CDH18: variants seen among roughly 807,000 people sequenced by gnomAD.
The protein encoded by CDH18 is cadherin 18.
In CDH18, 31 loss-of-function variants were observed where a neutral mutation model predicts 67.9. The ratio of observed to expected loss-of-function variants is 0.46; its 90% CI spans 0.34 to 0.62. The LOEUF (loss-of-function observed/expected upper bound fraction) is 0.62, where lower values mean the gene tolerates loss of function less well. Ranked by LOEUF, CDH18 falls within the 20% of genes least tolerant of loss-of-function variation. The probability of loss-of-function intolerance (pLI) is 0.01; values close to 1 mark genes in which losing one functional copy is unlikely to be tolerated. For synonymous variants in CDH18, 362 were observed against 347.2 expected, an observed-to-expected ratio of 1.04 and a Z score of -0.48; for missense variants, 890 against 975.5, an observed-to-expected ratio of 0.91 and a Z score of 1.17.
intron 2 of CDH18, among the ~76,000 whole-genome samples, chr5:20,052,796 C>T (rs555546617): frequency 5.9e-5 from 9 of 151,976 alleles, no homozygotes; most frequent in Non-Finnish European, 4.4e-5. Flanking sequence ...CTGATTTGCT[C>T]CAAAGAATGT....
intron 2 of CDH18, among the ~76,000 whole-genome samples, chr5:20,088,976 T>C (rs1308606001): frequency 1.3e-5 from 2 of 152,130 alleles, no homozygotes; most frequent in African/African-American, 4.8e-5. Flanking sequence ...CCCCTCCTGG[T>C]TTTTTAATAT....
intron 1 of CDH18, among the ~76,000 whole-genome samples, chr5:20,525,305 G>A (rs1755980708): frequency 6.6e-6 from 1 of 152,086 alleles, no homozygotes; most frequent in Admixed American, 6.6e-5. Flanking sequence ...GATTACCAGT[G>A]CCAGAGCTCC....
intron 7 of CDH18, among the ~76,000 whole-genome samples, chr5:19,585,415 T>C (rs1394022373): frequency 2.6e-5 from 4 of 152,172 alleles, no homozygotes; most frequent in Non-Finnish European, 5.9e-5. Context: ...ACTGCACCCA[T>C]ACACATCCTC....
intron 1 of CDH18, among the ~76,000 whole-genome samples, chr5:20,506,210 C>T (rs557510772): frequency 4.3e-4 from 66 of 152,288 alleles, no homozygotes; most frequent in South Asian, 2.3e-3. Flanking sequence ...GCCGCCTCTT[C>T]GTACCCTTGT....
At chr5:19,802,950 C>T (rs1175398309) in intron 3 of CDH18, among the ~76,000 whole-genome samples, 2 of 152,370 alleles carry the variant, frequency 1.3e-5, no homozygotes, top group Admixed American at 6.5e-5. Context: ...GCACTTTCAG[C>T]TATTCAGCCT....
chr5:20,426,948 T>C (rs927338900), intron 1 of CDH18, among the ~76,000 whole-genome samples: 12 of 150,990 alleles, frequency 7.9e-5, no homozygotes, highest in South Asian at 6.2e-4. Context: ...AAATGGAGAT[T>C]ATCACAAATT....
At chr5:20,146,672 T>A (rs1387864299) in intron 2 of CDH18, among the ~76,000 whole-genome samples, 26 of 151,650 alleles carry the variant, frequency 1.7e-4, no homozygotes, top group Admixed American at 1.7e-3. Flanking sequence ...AATGTATAAC[T>A]TTTACCACAA....
At chr5:19,843,311 C>A (rs1782556264) in intron 2 of CDH18, among the ~76,000 whole-genome samples, 1 of 152,184 alleles carries the variant, frequency 6.6e-6, no homozygotes, top group Non-Finnish European at 1.5e-5. Context: ...GTAAAAGAGA[C>A]CACGGTACAG....
At chr5:19,474,271 T>C (rs1738070106) in intron 12 of CDH18, among the ~76,000 whole-genome samples, 1 of 152,182 alleles carries the variant, frequency 6.6e-6, no homozygotes, top group Non-Finnish European at 1.5e-5. Flanking sequence ...TTTAAAATTA[T>C]ATTATCATGC....
At chr5:19,613,913 A>G (rs993283168) in intron 5 of CDH18, among the ~76,000 whole-genome samples, 1 of 152,122 alleles carries the variant, frequency 6.6e-6, no homozygotes, top group African/African-American at 2.4e-5. Context: ...TCCTTCAAAC[A>G]TAAGTCATTT....
At position 19,940,589 on chromosome 5, in the gene CDH18, C is replaced by T. The variant is rs570776890; in HGVS notation, c.-257+40471G>A. 5.3e-5 allele frequency among the ~76,000 whole-genome samples: 8 copies of T among 152,090 alleles called. No homozygotes were observed. The East Asian group carries it at 9.7e-4, about 18-fold the overall frequency. On this transcript the variant is annotated intron_variant, in intron 2 of 12. Coordinates refer to ENST00000382275, the MANE Select transcript of CDH18 (RefSeq NM_004934.5). ...TATTCACACAATTTTTTTTCAGTAC[C>T]TACCACTGACCAAGAAGACCTTTGT... is the stretch of plus-strand genomic sequence containing the variant.
intron 1 of CDH18, among the ~76,000 whole-genome samples, chr5:20,380,270 A>G (rs1418096169): frequency 6.6e-6 from 1 of 152,182 alleles, no homozygotes; most frequent in Non-Finnish European, 1.5e-5. Flanking sequence ...TCAAGTATCT[A>G]TAGTTATATG....
chr5:19,915,999 T>C (rs1376873640), intron 2 of CDH18, among the ~76,000 whole-genome samples: 1 of 152,168 alleles, frequency 6.6e-6, no homozygotes, highest in East Asian at 1.9e-4. Flanking sequence ...TCAAATCCTT[T>C]AAGTTGCTCC....
intron 3 of CDH18, among the ~76,000 whole-genome samples, chr5:19,815,821 G>A (rs556384759): frequency 1.6e-3 from 243 of 151,902 alleles, no homozygotes; most frequent in African/African-American, 5.7e-3. Flanking sequence ...TATTTCACTG[G>A]AACTTTTTCC....
chr5:19,959,404 AAT>A lies in CDH18; in HGVS notation c.-257+21654_-257+21655del, dbSNP rs906402928. Among the ~76,000 whole-genome samples the A allele has an allele frequency of 7.2e-4, 110 of 152,222 alleles. 1 individual carries two copies. The highest frequency in any genetic ancestry group is 2.4e-3 in the African/African-American group (101 of 41,520). On this transcript the variant is annotated intron_variant, in intron 2 of 12. Coordinates refer to ENST00000382275, the MANE Select transcript of CDH18 (RefSeq NM_004934.5). ...ATGCAAATAAGGGGTACAATATTAAAATAGTTTTCAAATACATTTTATAAACA... is the reference window on the plus strand; with the variant it reads ...ATGCAAATAAGGGGTACAATATTAAAAGTTTTCAAATACATTTTATAAACA...
intron 2 of CDH18, among the ~76,000 whole-genome samples, chr5:20,229,042 G>GT (rs1332230899): frequency 3.3e-5 from 5 of 151,986 alleles, no homozygotes; most frequent in African/African-American, 9.7e-5. Flanking sequence ...GTTGGTGAAT[G>GT]TTTTTTGTAA....
intron 2 of CDH18, among the ~76,000 whole-genome samples, chr5:19,974,971 T>C (rs1173248323): frequency 6.6e-6 from 1 of 152,096 alleles, no homozygotes; most frequent in Non-Finnish European, 1.5e-5. Context: ...AATGTACTCT[T>C]CTACAAAATG....
chr5:19,572,260 G>C (rs1015973724), intron 7 of CDH18, among the ~76,000 whole-genome samples: 1 of 152,176 alleles, frequency 6.6e-6, no homozygotes, highest in African/African-American at 2.4e-5. Context: ...CCCATGGTGA[G>C]GTGAGTGAAG....
chr5:19,533,424 C>T (rs1481136362), intron 9 of CDH18, among the ~76,000 whole-genome samples: 1 of 152,066 alleles, frequency 6.6e-6, no homozygotes, highest in South Asian at 2.1e-4. Flanking sequence ...AGAGTACAAA[C>T]TGTGAACAGA....
Sources: gnomAD v4.1 joint callset for allele counts (sites outside exome capture counted in the v4.1 genomes callset) on GRCh38, gnomAD v4.1.1 for gene constraint, MANE v1.5 for transcripts, NCBI Gene and HGNC (gene_info 2026-07-23, HGNC 2026-07-21) for gene names.